IMPG2: variants seen among roughly 807,000 people sequenced by gnomAD.
IMPG2 encodes interphotoreceptor matrix proteoglycan 2.
Under a neutral mutation model 129.2 loss-of-function variants are expected in IMPG2, and 91 were observed. The ratio of observed to expected loss-of-function variants is 0.70; its 90% CI spans 0.59 to 0.84. IMPG2 has a LOEUF of 0.84. Among genes scored for constraint, IMPG2 ranks in the 40% least tolerant of loss-of-function variants. The pLI, the probability that IMPG2 is intolerant of heterozygous loss-of-function variation, is 0.00. For synonymous variants in IMPG2, 510 were observed against 517.7 expected, an observed-to-expected ratio of 0.99 and a Z score of 0.20; for missense variants, 1,430 against 1,461.7, an observed-to-expected ratio of 0.98 and a Z score of 0.35.
At chr3:101,244,813 A>G in intron 12 of IMPG2, 26 bp from the exon 13 acceptor site, 4 of 1,599,682 alleles carry the variant, frequency 2.5e-6, no homozygotes, top group Non-Finnish European at 3.4e-6. Flanking sequence ...TCCATTAATT[A>G]ATCTACAGAG....
intron 8 of IMPG2, 126 bp downstream of exon 8, chr3:101,269,389 G>A: frequency 1.6e-6 from 1 of 630,404 alleles, no homozygotes; most frequent in Non-Finnish European, 2.9e-6. Context: ...TAATTTACCA[G>A]AAATAGCATT....
Position 101,275,706 on chromosome 3 carries a change from T to C in IMPG2, c.623A>G (p.Tyr208Cys), listed in dbSNP as rs755124553. ...LSVPHPEVDA[Y>C]EGASESSLER... is the part of the protein sequence containing the mutation. ...CAAGCTGCTCTCTGAGGCACCTTCATAGGCGTCCACCTCTGGATGTGGAAC... is the reference window on the plus strand; with the variant it reads ...CAAGCTGCTCTCTGAGGCACCTTCACAGGCGTCCACCTCTGGATGTGGAAC... Residue 208 changes from tyrosine (Y) to cysteine (C), a missense_variant, in exon 6 of 19, where the codon TAT becomes TGT. Physicochemically the swap from Tyr to Cys is radical, Grantham distance 194 (BLOSUM62 -2). Coordinates refer to ENST00000193391, the MANE Select transcript of IMPG2 (RefSeq NM_016247.4). The C allele has an allele frequency of 1.2e-6, 2 of 1,614,022 alleles. No homozygotes were observed. Among genetic ancestry groups the C allele is most frequent in the South Asian group, 1.1e-5 (1 of 91,084 alleles).
chr3:101,248,394 T>C (rs1232582564), intron 11 of IMPG2, among the ~76,000 whole-genome samples: 2 of 152,212 alleles, frequency 1.3e-5, no homozygotes, highest in Non-Finnish European at 2.9e-5. Context: ...TGTAAGTCCA[T>C]TAAACCTCTT....
In IMPG2 at chr3:101,242,648, G is replaced by C. The variant is rs534503498; in HGVS notation, c.3022+40C>G. 8 of 1,392,780 alleles carry C rather than the reference G, an allele frequency of 5.7e-6. No individual in the cohort carries two copies. The South Asian group carries it at 7.0e-5, about 12-fold the overall frequency. 86.3% of individuals were successfully genotyped at this position (1,392,780 alleles called of 1,614,324 possible). Reference sequence around the variant, plus strand: ...AAGAAAACACACAAGAATAATCACTGGATTCTACTAAGAAACCACCATGCT... The same window carrying C: ...AAGAAAACACACAAGAATAATCACTCGATTCTACTAAGAAACCACCATGCT... On this transcript the variant is annotated intron_variant, in intron 14 of 18. Transcript: ENST00000193391.
chr3:101,246,388 A>T (rs972374463), intron 11 of IMPG2, among the ~76,000 whole-genome samples: 18 of 152,076 alleles, frequency 1.2e-4, no homozygotes, highest in African/African-American at 3.9e-4. Context: ...GTGAGAGAAA[A>T]TTTTTTTTGC....
At chr3:101,293,066 C>T (rs780097362) in intron 3 of IMPG2, among the ~76,000 whole-genome samples, 9 of 152,140 alleles carry the variant, frequency 5.9e-5, no homozygotes, top group Admixed American at 4.6e-4. Flanking sequence ...TCGGAATCAA[C>T]GTCTTCCAAA....
chr3:101,243,784 G>A lies in IMPG2; in HGVS notation c.2547C>T (p.Tyr849=). 3 of 1,614,052 alleles carry A rather than the reference G, an allele frequency of 1.9e-6. No individual in the cohort carries two copies. Among genetic ancestry groups the A allele is most frequent in the Non-Finnish European group, 2.5e-6 (3 of 1,179,948 alleles). Residue 849 remains tyrosine, a synonymous_variant, in exon 13 of 19, where the codon TAC becomes TAT. Transcript: ENST00000193391. ...GCTCTTGGACTTGCTCAGGCTGATAGTAATCTGTGCCTATCCGGTCCAGTT... is the reference window on the plus strand; with the variant it reads ...GCTCTTGGACTTGCTCAGGCTGATAATAATCTGTGCCTATCCGGTCCAGTT... ...SLELDRIGTD[Y]YQPEQVQEQN... is the part of the protein sequence containing the mutation.
chr3:101,259,293 G>A (rs917197624), intron 9 of IMPG2, among the ~76,000 whole-genome samples: 4 of 152,030 alleles, frequency 2.6e-5, no homozygotes, highest in Non-Finnish European at 4.4e-5. Flanking sequence ...CAAGACAGAC[G>A]TGCAGTAAAA....
intron 11 of IMPG2, among the ~76,000 whole-genome samples, chr3:101,247,919 C>T (rs1381752497): frequency 1.3e-5 from 2 of 152,122 alleles, no homozygotes; most frequent in Non-Finnish European, 2.9e-5. Flanking sequence ...ATGAAAACCG[C>T]AAATAAGAAA....
chr3:101,317,108 A>G (rs1576775545), intron 2 of IMPG2, among the ~76,000 whole-genome samples: 1 of 14,848 alleles, frequency 6.7e-5, no homozygotes, highest in East Asian at 6.3e-3. Context: ...GGCATTATAA[A>G]TGGTCATGAA....
intron 3 of IMPG2, among the ~76,000 whole-genome samples, chr3:101,294,492 T>C (rs533100275): frequency 2.0e-5 from 3 of 152,350 alleles, no homozygotes; most frequent in East Asian, 1.9e-4. Flanking sequence ...CAGTCTCTCA[T>C]TGATGGGCAT....
chr3:101,267,495 A>G lies in IMPG2; in HGVS notation c.908+16T>C. ...CTCCCAATTCAATGGACATTAGAGA[A>G]AGTGCCAAAAAGTACCTGTCATTTT... On this transcript the variant is annotated intron_variant, in intron 9 of 18. Coordinates refer to ENST00000193391, the MANE Select transcript of IMPG2 (RefSeq NM_016247.4). 1 of 1,608,982 alleles carries G rather than the reference A, an allele frequency of 6.2e-7. No homozygotes were observed. Among genetic ancestry groups the G allele is most frequent in the South Asian group, 1.1e-5 (1 of 90,976 alleles).
chr3:101,238,131 A>T (rs1050391913), intron 14 of IMPG2, among the ~76,000 whole-genome samples: 71 of 151,940 alleles, frequency 4.7e-4, no homozygotes, highest in Admixed American at 4.7e-3. Flanking sequence ...GAGATTGAAG[A>T]TCAACTTAAT....
intron 10 of IMPG2, among the ~76,000 whole-genome samples, chr3:101,254,323 G>T (rs1045238471): frequency 3.3e-5 from 5 of 152,042 alleles, no homozygotes; most frequent in African/African-American, 1.2e-4. Flanking sequence ...ATCCTTGCTA[G>T]TTACCACAGG....
chr3:101,234,398 C>T (rs1706323993), intron 14 of IMPG2, among the ~76,000 whole-genome samples: 1 of 151,906 alleles, frequency 6.6e-6, no homozygotes, highest in African/African-American at 2.4e-5. Context: ...GGGAACAGGG[C>T]CTGGCCAACA....
At chr3:101,262,006 C>T (rs1030063706) in intron 9 of IMPG2, among the ~76,000 whole-genome samples, 4 of 152,092 alleles carry the variant, frequency 2.6e-5, no homozygotes, top group East Asian at 1.9e-4. Flanking sequence ...TTTCCAAAGA[C>T]ATTAATCACA....
intron 7 of IMPG2, 30 bp from the exon 8 acceptor site, chr3:101,269,603 T>C (rs1428262734): frequency 8.2e-7 from 1 of 1,217,094 alleles, no homozygotes; most frequent in Non-Finnish European, 1.2e-6. Flanking sequence ...AAATGATAAC[T>C]ATGTAAAAAT....
intron 2 of IMPG2, among the ~76,000 whole-genome samples, chr3:101,316,987 T>C (rs1403043368): frequency 6.6e-6 from 1 of 151,738 alleles, no homozygotes; most frequent in East Asian, 1.9e-4. Context: ...TACCAAAGAG[T>C]ATATTCCATT....
At chr3:101,313,162 T>C (rs2058764541) in intron 2 of IMPG2, among the ~76,000 whole-genome samples, 1 of 152,092 alleles carries the variant, frequency 6.6e-6, no homozygotes, top group Non-Finnish European at 1.5e-5. Context: ...GCATGCTTAA[T>C]CCAATGGCTT....
Sources: gnomAD v4.1 joint callset for allele counts (sites outside exome capture counted in the v4.1 genomes callset) on GRCh38, gnomAD v4.1.1 for gene constraint, MANE v1.5 for transcripts, NCBI Gene and HGNC (gene_info 2026-07-23, HGNC 2026-07-21) for gene names.